Variants in ANO3 observed in about 807,000 individuals in gnomAD.
The protein encoded by ANO3 is anoctamin-3.
A neutral mutation model predicts 144.8 loss-of-function variants in ANO3; 99 were observed. The observed-to-expected ratio is 0.68, with a 90% CI of 0.58 to 0.81. ANO3 has a LOEUF of 0.81. Ranked by LOEUF, ANO3 falls within the 30% of genes least tolerant of loss-of-function variation. ANO3 has a pLI of 0.00. For missense variants in ANO3, 905 were observed against 1,202.2 expected (o/e 0.75, Z 3.66); for synonymous variants, 414 against 392.6 (o/e 1.05, Z -0.64).
intron 1 of ANO3, among the ~76,000 whole-genome samples, chr11:26,269,052 T>TC (rs941319081): frequency 6.6e-6 from 1 of 152,134 alleles, no homozygotes; most frequent in Non-Finnish European, 1.5e-5. Flanking sequence ...CTATTTGTGA[T>TC]CCCCCAGGCC....
intron 1 of ANO3, among the ~76,000 whole-genome samples, chr11:26,231,410 A>G (rs1022369561): frequency 1.3e-5 from 2 of 152,154 alleles, no homozygotes; most frequent in Non-Finnish European, 2.9e-5. Context: ...TTTTTTGTTC[A>G]TGAAGGTTTG....
rs1433213423 is a variant in ANO3 at position 26,660,952 on chromosome 11, T to G, written c.*508T>G. 2 of 153,284 alleles carry G rather than the reference T, an allele frequency of 1.3e-5. No individual in the cohort carries two copies. Among genetic ancestry groups the G allele is most frequent in the Non-Finnish European group, 1.5e-5 (1 of 68,582 alleles). 9.5% of individuals were successfully genotyped at this position (153,284 alleles called of 1,614,324 possible). A position where few individuals can be genotyped will look rare whatever the true frequency, so the allele number is the denominator to read the frequency against. On this transcript the variant is annotated 3_prime_UTR_variant, in exon 27 of 27. Coordinates refer to ENST00000256737, the MANE Select transcript of ANO3 (RefSeq NM_031418.4). ...ACTCTACATCCCTTCAGTTTACAGG[T>G]TGGTAGGAATTGCCCATGTCTCTTG...
chr11:26,272,081 C>A (rs764838773), intron 1 of ANO3, among the ~76,000 whole-genome samples: 1 of 152,002 alleles, frequency 6.6e-6, no homozygotes, highest in Non-Finnish European at 1.5e-5. Flanking sequence ...AATCGTCTCC[C>A]GGTGAGCGGT....
At chr11:26,406,933 A>ATACATCTGTGTATATATACATATATAT (rs1565006740) in intron 1 of ANO3, among the ~76,000 whole-genome samples, 1 of 147,978 alleles carries the variant, frequency 6.8e-6, no homozygotes, top group African/African-American at 2.5e-5. Context: ...TATATATATA[A>ATACATCTGTGTATATATACATATATAT]ATACATCTGT....
intron 6 of ANO3, among the ~76,000 whole-genome samples, chr11:26,524,593 C>T (rs943892050): frequency 1.5e-4 from 23 of 151,940 alleles, no homozygotes; most frequent in Non-Finnish European, 2.8e-4. Flanking sequence ...TTCAGAAGAG[C>T]GAGAATATCA....
chr11:26,595,460 G>GTGTTTTTTTTTTTTT (rs1851584686), intron 14 of ANO3, among the ~76,000 whole-genome samples: 1 of 101,388 alleles, frequency 9.9e-6, no homozygotes, highest in Non-Finnish European at 1.8e-5. Context: ...AGATAGAGTT[G>GTGTTTTTTTTTTTTT]TTTTTTTTTT....
intron 1 of ANO3, among the ~76,000 whole-genome samples, chr11:26,267,364 G>C (rs560453357): frequency 6.6e-6 from 1 of 152,208 alleles, no homozygotes; most frequent in East Asian, 1.9e-4. Context: ...TCTTTTGCCA[G>C]AATTTCATCA....
intron 23 of ANO3, among the ~76,000 whole-genome samples, chr11:26,644,338 T>C (rs1233026836): frequency 1.3e-5 from 2 of 152,208 alleles, no homozygotes; most frequent in East Asian, 3.9e-4. Flanking sequence ...TTCTATGATA[T>C]GTATATGACA....
chr11:26,291,464 G>C (rs1229262926), intron 1 of ANO3, among the ~76,000 whole-genome samples: 1 of 152,152 alleles, frequency 6.6e-6, no homozygotes, highest in Non-Finnish European at 1.5e-5. Flanking sequence ...ATGTTAGCTA[G>C]TTATTTTGTT....
At chr11:26,312,272 C>A (rs11029510) in intron 1 of ANO3, among the ~76,000 whole-genome samples, 9 of 152,278 alleles carry the variant, frequency 5.9e-5, no homozygotes, top group African/African-American at 2.2e-4. Flanking sequence ...GGTTCCAAGT[C>A]TTTGCTATTG....
At chr11:26,218,509 A>G (rs1852078310) in intron 1 of ANO3, among the ~76,000 whole-genome samples, 1 of 151,858 alleles carries the variant, frequency 6.6e-6, no homozygotes, top group Non-Finnish European at 1.5e-5. Flanking sequence ...CCTACGTCTT[A>G]TTTGTGTTCA....
chr11:26,497,149 TACAG>T (rs1393105103), intron 4 of ANO3, among the ~76,000 whole-genome samples: 1 of 151,646 alleles, frequency 6.6e-6, no homozygotes, highest in Non-Finnish European at 1.5e-5. Context: ...CAAATATGTA[TACAG>T]ACATACACAC....
Position 26,555,816 on chromosome 11 carries a change from C to G in ANO3, c.1386+2471C>G, listed in dbSNP as rs534731607. On this transcript the variant is annotated intron_variant, in intron 13 of 26. Transcript: ENST00000256737. ...CTAATAATTTATTGATGGGTAGAAT[C>G]AGATATAAGGGAGCAGATTTTTGCC... is the stretch of plus-strand genomic sequence containing the variant. 1.1e-4 allele frequency among the ~76,000 whole-genome samples: 16 copies of G among 152,144 alleles called. 1 individual carries two copies. The South Asian group carries it at 3.3e-3, about 32-fold the overall frequency.
chr11:26,461,553 C>T (rs1345073198), intron 3 of ANO3, among the ~76,000 whole-genome samples: 1 of 151,980 alleles, frequency 6.6e-6, no homozygotes, highest in Non-Finnish European at 1.5e-5. Context: ...CTTCAATGTT[C>T]TATGAAGGCA....
intron 14 of ANO3, chr11:26,572,128 A>G (rs182178762): frequency 5.4e-5 from 53 of 985,400 alleles, no homozygotes; most frequent in Non-Finnish European, 6.3e-5. Context: ...TAGAGAAAAC[A>G]GATGGGTTAA....
At chr11:26,383,654 T>A (rs1405375706) in intron 1 of ANO3, among the ~76,000 whole-genome samples, 1 of 152,032 alleles carries the variant, frequency 6.6e-6, no homozygotes, top group East Asian at 1.9e-4. Flanking sequence ...AATAAAACAA[T>A]CTTCAAGGAA....
chr11:26,596,313 G>A lies in ANO3; in HGVS notation c.1448-2052G>A, dbSNP rs1198803614. On this transcript the variant is annotated intron_variant, in intron 14 of 26. Coordinates refer to ENST00000256737, the MANE Select transcript of ANO3 (RefSeq NM_031418.4). ...TCTGTAGAAGGATTTTGGAAACATA[G>A]TGGAAGGACATTCGCTTGTTGCCCC... 4.6e-5 allele frequency among the ~76,000 whole-genome samples: 7 copies of A among 152,180 alleles called. No individual in the cohort carries two copies. The East Asian group carries it at 1.4e-3, about 29-fold the overall frequency.
At chr11:26,555,840 C>A (rs1369290278) in intron 13 of ANO3, among the ~76,000 whole-genome samples, 1 of 151,944 alleles carries the variant, frequency 6.6e-6, no homozygotes, top group African/African-American at 2.4e-5. Context: ...CAGATTTTTG[C>A]CAAAGGTACA....
chr11:26,215,551 A>T (rs1369208156), intron 1 of ANO3, among the ~76,000 whole-genome samples: 1 of 151,924 alleles, frequency 6.6e-6, no homozygotes, highest in Non-Finnish European at 1.5e-5. Context: ...ACAATGAACA[A>T]TTTTTCTAAA....
Sources: allele counts gnomAD v4.1 joint callset (sites outside exome capture counted in the v4.1 genomes callset), GRCh38; gene constraint gnomAD v4.1.1; transcripts MANE v1.5; gene names NCBI Gene and HGNC (gene_info 2026-07-23, HGNC 2026-07-21).